NHS: variants seen among roughly 807,000 people sequenced by gnomAD.
The protein encoded by NHS is NHS actin remodeling regulator.
Under a neutral mutation model 72.5 loss-of-function variants are expected in NHS, and 5 were observed. The ratio of observed to expected loss-of-function variants is 0.07; its 90% confidence interval spans 0.04 to 0.14. The LOEUF is 0.14. Among genes scored for constraint, NHS ranks in the 10% least tolerant of loss-of-function variants. NHS has a pLI of 1.00. For synonymous variants in NHS, 464 were observed against 547.7 expected, an observed-to-expected ratio of 0.85 and a Z score of 2.13; for missense variants, 1,072 against 1,355.7, an observed-to-expected ratio of 0.79 and a Z score of 3.29.
At chrX:17,498,401 C>T (rs1225673571) in intron 1 of NHS, among the ~76,000 whole-genome samples, 1 of 111,360 alleles carries the variant, frequency 9.0e-6, no homozygotes. Flanking sequence ...AATTTTGCCT[C>T]GCCCAAAAGT....
rs765947745 is a variant in NHS, at chrX:17,453,699, C to T, written c.565+77377C>T. Among the ~76,000 whole-genome samples the T allele has an allele frequency of 1.2e-4, 14 of 112,370 alleles. No individual in the cohort carries two copies. The East Asian group carries it at 2.5e-3, about 20-fold the overall frequency. ...TCTGACAAGGGGTCCATTGGCTTCACCAGCTTTCCAAAGGGGCCAACACAC... is the reference window on the plus strand; with the variant it reads ...TCTGACAAGGGGTCCATTGGCTTCATCAGCTTTCCAAAGGGGCCAACACAC... On this transcript the variant is annotated intron_variant, in intron 1 of 8. Coordinates refer to ENST00000676302, the MANE Select transcript of NHS (RefSeq NM_001291867.2).
At chrX:17,509,074 T>G (rs1412980032) in intron 1 of NHS, among the ~76,000 whole-genome samples, 1 of 111,376 alleles carries the variant, frequency 9.0e-6, no homozygotes, top group African/African-American at 3.3e-5. Flanking sequence ...TCTTTAGCAT[T>G]TGGTAATGAA....
At chrX:17,480,907 A>C (rs2064943383) in intron 1 of NHS, among the ~76,000 whole-genome samples, 1 of 111,619 alleles carries the variant, frequency 9.0e-6, no homozygotes, top group African/African-American at 3.3e-5. Context: ...ACATGGAGCC[A>C]AGTGTATGGT....
chrX:17,658,899 G>A (rs190138591), intron 1 of NHS, among the ~76,000 whole-genome samples: 21 of 112,278 alleles, frequency 1.9e-4, no homozygotes, highest in African/African-American at 6.5e-4. Context: ...GACCCACAGT[G>A]AGCATATTGG....
intron 1 of NHS, among the ~76,000 whole-genome samples, chrX:17,640,278 C>T (rs957457464): frequency 6.3e-5 from 7 of 111,828 alleles, no homozygotes; most frequent in Non-Finnish European, 1.3e-4. Flanking sequence ...TCTTTCTCTC[C>T]TAGTCTTTTT....
At chrX:17,595,915 C>T (rs748938886) in intron 1 of NHS, among the ~76,000 whole-genome samples, 8 of 111,426 alleles carry the variant, frequency 7.2e-5, no homozygotes, top group East Asian at 2.8e-4. Flanking sequence ...TCTTTAATAG[C>T]GGAAAAGTGA....
chrX:17,695,149 T>C (rs2066220198), intron 3 of NHS, among the ~76,000 whole-genome samples: 1 of 112,069 alleles, frequency 8.9e-6, no homozygotes, highest in Admixed American at 9.4e-5. Flanking sequence ...AGAGGAAGTA[T>C]AAATTGTTAC....
At chrX:17,402,790 AT>A (rs1168007022) in intron 1 of NHS, among the ~76,000 whole-genome samples, 1 of 112,042 alleles carries the variant, frequency 8.9e-6, no homozygotes, top group Admixed American at 9.5e-5. Context: ...AGTGAATTTC[AT>A]CTCAATAAAG....
intron 1 of NHS, among the ~76,000 whole-genome samples, chrX:17,476,141 A>T (rs1332266580): frequency 8.9e-6 from 1 of 111,881 alleles, no homozygotes; most frequent in East Asian, 2.8e-4. Flanking sequence ...GGATGCTTGG[A>T]TTAGCTGGGT....
Position 17,508,695 on chromosome X carries a change from C to T in NHS, c.565+132373C>T, listed in dbSNP as rs1195907044. Among the ~76,000 whole-genome samples, 4 of 111,440 alleles carry T rather than the reference C, an allele frequency of 3.6e-5. No homozygotes were observed. The Admixed American group carries it at 3.8e-4, about 11-fold the overall frequency. ...ATGTTGGCCAGGCTAGACTTGAACT[C>T]CTGACCTCAAATTATCCGCCTGCCT... On this transcript the variant is annotated intron_variant, in intron 1 of 8. Coordinates refer to ENST00000676302, the MANE Select transcript of NHS (RefSeq NM_001291867.2).
At position 17,411,411 on chromosome X, in the gene NHS, A is replaced by G. The variant is rs368208824; in HGVS notation, c.565+35089A>G. ...GGTTGACTAGCCATGGAATGAGGTCATGTATCCTTGATCCAGATCATGAAT... is the reference window on the plus strand; with the variant it reads ...GGTTGACTAGCCATGGAATGAGGTCGTGTATCCTTGATCCAGATCATGAAT... On this transcript the variant is annotated intron_variant, in intron 1 of 8. Coordinates refer to ENST00000676302, the MANE Select transcript of NHS (RefSeq NM_001291867.2). Among the ~76,000 whole-genome samples the G allele has an allele frequency of 1.5e-4, 17 of 111,752 alleles. No homozygotes were observed. The East Asian group carries it at 4.0e-3, about 26-fold the overall frequency.
chrX:17,430,295 CTTTCTTTCTTTCTTTCTTTCCTTT>C (rs1422786266), intron 1 of NHS, among the ~76,000 whole-genome samples: 2 of 73,316 alleles, frequency 2.7e-5, no homozygotes, highest in African/African-American at 1.1e-4. Flanking sequence ...TTCTTTCTTT[CTTTCTTTCTTTCTTTCTTTCCTTT>C]CTTTCTTTCT....
chrX:17,540,290 C>T (rs2065256497), intron 1 of NHS, among the ~76,000 whole-genome samples: 1 of 111,854 alleles, frequency 8.9e-6, no homozygotes, highest in South Asian at 3.8e-4. Context: ...GCCAGGTAGA[C>T]ATAGCATTAT....
intron 1 of NHS, among the ~76,000 whole-genome samples, chrX:17,459,264 T>G (rs2064837673): frequency 9.0e-6 from 1 of 111,151 alleles, no homozygotes; most frequent in African/African-American, 3.3e-5. Context: ...TCTCAGAAAA[T>G]TTGGATGGAT....
chrX:17,506,555 A>AAATG, intron 1 of NHS, among the ~76,000 whole-genome samples: 1 of 105,964 alleles, frequency 9.4e-6, no homozygotes, highest in Non-Finnish European at 1.9e-5. Context: ...ATAAATAAAT[A>AAATG]AATAAATAAA....
At chrX:17,497,299 C>A (rs192971756) in intron 1 of NHS, among the ~76,000 whole-genome samples, 93 of 111,979 alleles carry the variant, frequency 8.3e-4, no homozygotes, top group African/African-American at 2.9e-3. Flanking sequence ...TGTTTGGTTT[C>A]TTTTAAGGGG....
intron 1 of NHS, among the ~76,000 whole-genome samples, chrX:17,582,854 T>C (rs2065551585): frequency 8.9e-6 from 1 of 112,574 alleles, no homozygotes; most frequent in Non-Finnish European, 1.9e-5. Context: ...TTCATACCCA[T>C]ACACATATGC....
At chrX:17,434,441 A>ATTTTTTTTTTT (rs1166011488) in intron 1 of NHS, among the ~76,000 whole-genome samples, 1 of 91,901 alleles carries the variant, frequency 1.1e-5, no homozygotes, top group Non-Finnish European at 2.1e-5. Context: ...CATTCAAACA[A>ATTTTTTTTTTT]TTTTTTTTTT....
At chrX:17,616,340 C>T (rs922817944) in intron 1 of NHS, among the ~76,000 whole-genome samples, 1 of 112,563 alleles carries the variant, frequency 8.9e-6, no homozygotes, top group South Asian at 3.7e-4. Flanking sequence ...TCTGTGACAA[C>T]AACTTGGCTG....
Sources: gnomAD v4.1 joint callset for allele counts (sites outside exome capture counted in the v4.1 genomes callset) on GRCh38, gnomAD v4.1.1 for gene constraint, MANE v1.5 for transcripts, NCBI Gene and HGNC (gene_info 2026-07-23, HGNC 2026-07-21) for gene names.